Variants in NEK10 observed in about 807,000 individuals in gnomAD.
NEK10 encodes the protein NIMA related kinase 10.
NEK10 carries 122 observed loss-of-function variants against 159.8 expected under a neutral mutation model. That is an observed-to-expected ratio of 0.76 (90% CI 0.66 to 0.89). The LOEUF (loss-of-function observed/expected upper bound fraction) is 0.89, where lower values mean the gene tolerates loss of function less well. Ranked by LOEUF, NEK10 falls within the 40% of genes least tolerant of loss-of-function variation. The probability of loss-of-function intolerance (pLI) is 0.00; values close to 1 mark genes in which losing one functional copy is unlikely to be tolerated. For synonymous variants in NEK10, 466 were observed against 457.1 expected, an observed-to-expected ratio of 1.02 and a Z score of -0.25; for missense variants, 1,342 against 1,323.1, an observed-to-expected ratio of 1.01 and a Z score of -0.22.
chr3:27,323,665 A>G (rs2045813618), intron 5 of NEK10, among the ~76,000 whole-genome samples: 1 of 152,216 alleles, frequency 6.6e-6, no homozygotes, highest in Non-Finnish European at 1.5e-5. Flanking sequence ...AAATACCATC[A>G]TCAGATTTCT....
chr3:27,223,236 G>A (rs913974852), intron 23 of NEK10, among the ~76,000 whole-genome samples: 1 of 151,998 alleles, frequency 6.6e-6, no homozygotes, highest in Admixed American at 6.6e-5. Flanking sequence ...CTCCATCAAC[G>A]GCTCTTTCCT....
intron 30 of NEK10, among the ~76,000 whole-genome samples, chr3:27,161,316 T>A (rs1295579000): frequency 6.6e-6 from 1 of 152,210 alleles, no homozygotes; most frequent in East Asian, 1.9e-4. Flanking sequence ...GGCATCTTAA[T>A]AAAACCATCA....
intron 22 of NEK10, among the ~76,000 whole-genome samples, chr3:27,273,133 G>C (rs910786963): frequency 6.6e-6 from 1 of 152,124 alleles, no homozygotes; most frequent in East Asian, 1.9e-4. Context: ...CTATGGTCAA[G>C]GGAAAATGGT....
At chr3:27,176,163 T>A (rs1437337124) in intron 26 of NEK10, among the ~76,000 whole-genome samples, 1 of 152,230 alleles carries the variant, frequency 6.6e-6, no homozygotes, top group Non-Finnish European at 1.5e-5. Flanking sequence ...AAAAAACATT[T>A]GTGCATTGCA....
chr3:27,365,645 C>T (rs1317236855), intron 1 of NEK10, among the ~76,000 whole-genome samples: 5 of 93,202 alleles, frequency 5.4e-5, no homozygotes, highest in Non-Finnish European at 9.6e-5. Flanking sequence ...TGGAGTCTTG[C>T]TCTATTGCCC....
At chr3:27,179,733 T>C (rs895671269) in intron 26 of NEK10, among the ~76,000 whole-genome samples, 1 of 152,202 alleles carries the variant, frequency 6.6e-6, no homozygotes, top group Non-Finnish European at 1.5e-5. Context: ...TACCAATATA[T>C]TTAAAAGCAT....
At position 27,174,802 on chromosome 3, in the gene NEK10, C is replaced by T; in HGVS notation, c.2537G>A (p.Ser846Asn). The change falls in exon 27 of 36, where the codon AGC becomes AAC. Residue 846 changes from serine to asparagine, a missense_variant. Ser to Asn is a conservative substitution (Grantham distance 46). Coordinates refer to ENST00000691995, the MANE Select transcript of NEK10 (RefSeq NM_001394966.1). ...TTTCAGGCTGGCTGCTCCACTGCTGCTGCTACTCAAACTTGCCTTCTCAAA... is the reference window on the plus strand; with the variant it reads ...TTTCAGGCTGGCTGCTCCACTGCTGTTGCTACTCAAACTTGCCTTCTCAAA... Reference protein sequence around the residue: ...ETFEKASLSSSSSGAASLKSE... With the variant: ...ETFEKASLSSNSSGAASLKSE... 6.2e-7 allele frequency: 1 copy of T among 1,603,354 alleles called. No individual in the cohort carries two copies. The highest frequency in any genetic ancestry group is 8.5e-7 in the Non-Finnish European group (1 of 1,176,582).
At chr3:27,201,372 T>C (rs1204504372) in intron 25 of NEK10, 138 bp downstream of exon 25, 4 of 703,542 alleles carry the variant, frequency 5.7e-6, no homozygotes, top group Non-Finnish European at 2.4e-6. Context: ...TTACTGATGA[T>C]GCACAAACAT....
chr3:27,366,418 T>G (rs910189865), intron 1 of NEK10, among the ~76,000 whole-genome samples: 4 of 152,194 alleles, frequency 2.6e-5, no homozygotes, highest in Admixed American at 2.6e-4. Flanking sequence ...TTGTTGACTG[T>G]CTGGATGAAC....
intron 4 of NEK10, 144 bp from the exon 5 acceptor site, chr3:27,344,514 A>C: frequency 2.1e-6 from 1 of 471,698 alleles, no homozygotes; most frequent in African/African-American, 2.0e-5. Context: ...GCAAATATTG[A>C]AGGAGCCTTG....
chr3:27,353,082 T>C (rs1256938422), intron 1 of NEK10, among the ~76,000 whole-genome samples, 163 bp from the exon 2 acceptor site: 1 of 152,190 alleles, frequency 6.6e-6, no homozygotes, highest in African/African-American at 2.4e-5. Flanking sequence ...CCACTTACTA[T>C]TTATCATTCA....
intron 23 of NEK10, among the ~76,000 whole-genome samples, chr3:27,232,193 C>G (rs1221205769): frequency 6.6e-6 from 1 of 151,682 alleles, no homozygotes; most frequent in Non-Finnish European, 1.5e-5. Flanking sequence ...GCTCCTAGAT[C>G]CAATAAATGG....
At chr3:27,161,513 C>G (rs547584644) in intron 30 of NEK10, among the ~76,000 whole-genome samples, 1 of 152,152 alleles carries the variant, frequency 6.6e-6, no homozygotes, top group African/African-American at 2.4e-5. Context: ...AACAATAATC[C>G]CAAATTAACC....
intron 23 of NEK10, among the ~76,000 whole-genome samples, chr3:27,225,171 G>C (rs970588444): frequency 6.6e-6 from 1 of 152,202 alleles, no homozygotes; most frequent in Non-Finnish European, 1.5e-5. Flanking sequence ...CAGCATGGGA[G>C]AAAGATGAAG....
At chr3:27,247,735 C>T (rs1446750065) in intron 23 of NEK10, among the ~76,000 whole-genome samples, 1 of 151,882 alleles carries the variant, frequency 6.6e-6, no homozygotes, top group African/African-American at 2.4e-5. Flanking sequence ...CAGGGTTTCG[C>T]CATGTTGCCC....
chr3:27,263,532 C>A (rs146044732), intron 22 of NEK10, among the ~76,000 whole-genome samples: 1 of 152,324 alleles, frequency 6.6e-6, no homozygotes, highest in Admixed American at 6.5e-5. Flanking sequence ...ACCCCTCCCC[C>A]AGCCTCGCTG....
intron 23 of NEK10, among the ~76,000 whole-genome samples, chr3:27,248,991 C>T (rs868068318): frequency 1.3e-5 from 2 of 152,132 alleles, no homozygotes; most frequent in African/African-American, 4.8e-5. Context: ...TTTGGCTACA[C>T]CCCACCCAAA....
intron 23 of NEK10, among the ~76,000 whole-genome samples, chr3:27,255,529 G>C (rs763085925): frequency 2.2e-4 from 34 of 151,654 alleles, no homozygotes; most frequent in South Asian, 6.3e-4. Context: ...TGTCTTGATT[G>C]CTTGACCTGT....
intron 3 of NEK10, among the ~76,000 whole-genome samples, chr3:27,350,594 G>A (rs1255732325): frequency 6.6e-6 from 1 of 151,868 alleles, no homozygotes; most frequent in African/African-American, 2.4e-5. Context: ...TCTATTTTCT[G>A]AATAACTCAA....
Sources: gnomAD v4.1 joint callset for allele counts (sites outside exome capture counted in the v4.1 genomes callset) on GRCh38, gnomAD v4.1.1 for gene constraint, MANE v1.5 for transcripts, NCBI Gene and HGNC (gene_info 2026-07-23, HGNC 2026-07-21) for gene names.